Variants in REV3L observed in about 807,000 individuals in gnomAD.
The protein encoded by REV3L is REV3 like, DNA directed polymerase zeta catalytic subunit.
In REV3L, 69 loss-of-function variants were observed where a neutral mutation model predicts 299.4. That is an observed-to-expected ratio of 0.23 (90% CI 0.19 to 0.28). The LOEUF (loss-of-function observed/expected upper bound fraction) is 0.28, where lower values mean the gene tolerates loss of function less well. Among genes scored for constraint, REV3L ranks in the 10% least tolerant of loss-of-function variants. The pLI is 1.00. For missense variants in REV3L, 3,128 were observed against 3,693.8 expected (o/e 0.85, Z 3.97); for synonymous variants, 1,238 against 1,271.4 (o/e 0.97, Z 0.56).
Position 111,468,910 on chromosome 6 carries a change from A to G in REV3L, c.139+13840T>C, listed in dbSNP as rs894032591. On this transcript the variant is annotated intron_variant, in intron 1 of 31. Transcript: ENST00000368802. Reference sequence around the variant, plus strand: ...CGTAGTGGCTCATGCCTGTAATCTCAGCACTTTGGGAGGGCTGAGGCGGGT... The same window carrying G: ...CGTAGTGGCTCATGCCTGTAATCTCGGCACTTTGGGAGGGCTGAGGCGGGT... Among the ~76,000 whole-genome samples, 5 of 152,310 alleles carry G rather than the reference A, an allele frequency of 3.3e-5. No individual in the cohort carries two copies. In the South Asian group the frequency reaches 1.0e-3, roughly 32 times the overall value.
chr6:111,363,578 TTTC>T (rs200757402), intron 16 of REV3L, among the ~76,000 whole-genome samples: 2,023 of 152,244 alleles, frequency 0.013, 36 homozygotes, highest in African/African-American at 0.047. Flanking sequence ...CCAAAAATCT[TTTC>T]TTATTTTAAT....
At chr6:111,443,645 G>GTGTA (rs995047707) in intron 1 of REV3L, among the ~76,000 whole-genome samples, 7 of 152,136 alleles carry the variant, frequency 4.6e-5, no homozygotes, top group Admixed American at 1.3e-4. Flanking sequence ...TGAATGCCTG[G>GTGTA]TGTATTCAAG....
Position 111,389,117 on chromosome 6 carries a change from G to C in REV3L, c.851C>G (p.Pro284Arg). The C allele has an allele frequency of 6.2e-7, 1 of 1,613,018 alleles. No homozygotes were observed. The highest frequency in any genetic ancestry group is 8.5e-7 in the Non-Finnish European group (1 of 1,179,084). The change falls in exon 7 of 32, where the codon CCT (proline) becomes CGT (arginine). Residue 284 changes from proline (P) to arginine (R), a missense_variant. Around this residue, in one of 9 missense-constraint regions of REV3L, gnomAD observed 2,409 missense variants for 2,611.8 expected, o/e 0.92. Transcript: ENST00000368802. ...TATTAGGTTTATACCTTGTGACTCA[G>C]GTTGGCTCATTTGAGAAGTTTCATT... Reference protein sequence around the residue: ...NRNETSQMSQPESQDHRFVPA... With the variant: ...NRNETSQMSQRESQDHRFVPA...
chr6:111,329,620 T>C lies in REV3L; in HGVS notation c.8153A>G (p.Asp2718Gly), dbSNP rs1775187379. The part of the protein sequence containing the change: ...KQDRALSRML[D>G]ARQLGLKLIA... Reference sequence around the variant, plus strand: ...CAGCTTAAGTCCCAACTGACGCGCATCAAGCATTCGTGACAGGGCTCTGTC... The same window carrying C: ...CAGCTTAAGTCCCAACTGACGCGCACCAAGCATTCGTGACAGGGCTCTGTC... Residue 2718 changes from aspartate to glycine, a missense_variant, in exon 25 of 32, where the codon GAT becomes GGT. Transcript: ENST00000368802. The C allele has an allele frequency of 4.3e-6, 7 of 1,614,056 alleles. No individual in the cohort carries two copies. Among genetic ancestry groups the C allele is most frequent in the Non-Finnish European group, 5.9e-6 (7 of 1,180,044 alleles).
chr6:111,448,517 G>A lies in REV3L; in HGVS notation c.140-32045C>T, dbSNP rs538344906. On this transcript the variant is annotated intron_variant, in intron 1 of 31. Coordinates refer to ENST00000368802, the MANE Select transcript of REV3L (RefSeq NM_001372078.1). ...ACCCAGCTAATTTTTGTAGTTTTTG[G>A]AAAGATGGTGTTGCCCAGGCTGGTC... Among the ~76,000 whole-genome samples, 9 of 152,042 alleles carry A rather than the reference G, an allele frequency of 5.9e-5. No individual in the cohort carries two copies. In the South Asian group the frequency reaches 1.7e-3, roughly 28 times the overall value.
chr6:111,355,358 A>G (rs538978868), intron 18 of REV3L, among the ~76,000 whole-genome samples: 2 of 152,156 alleles, frequency 1.3e-5, no homozygotes, highest in Non-Finnish European at 2.9e-5. Flanking sequence ...GAGAGAGTTA[A>G]GCAACTTATT....
intron 1 of REV3L, among the ~76,000 whole-genome samples, chr6:111,439,555 A>G (rs901738574): frequency 3.9e-5 from 6 of 152,258 alleles, no homozygotes; most frequent in South Asian, 4.1e-4. Flanking sequence ...AAAAAGCTAC[A>G]TAAGTGGGTG....
In REV3L at chr6:111,395,220, AT is replaced by A. The variant is rs912066585; in HGVS notation, c.566-2249del. On this transcript the variant is annotated intron_variant, in intron 4 of 31. Coordinates refer to ENST00000368802, the MANE Select transcript of REV3L (RefSeq NM_001372078.1). ...TTTGTAGTTCCACATGAAGTTTAGA[AT>A]TTTTTTTTCTATTTCCATGAAGAAT... 1.5e-4 allele frequency among the ~76,000 whole-genome samples: 22 copies of A among 151,578 alleles called. No homozygotes were observed. In the East Asian group the frequency reaches 2.1e-3, roughly 15 times the overall value.
chr6:111,327,060 G>A (rs1379720218), intron 25 of REV3L, among the ~76,000 whole-genome samples: 1 of 152,148 alleles, frequency 6.6e-6, no homozygotes, highest in Non-Finnish European at 1.5e-5. Context: ...TGAGTTCACC[G>A]TGCAAAGCAG....
At chr6:111,460,524 C>A (rs2128325122) in intron 1 of REV3L, 1 of 151,964 alleles carries the variant, frequency 6.6e-6, no homozygotes, top group Admixed American at 6.6e-5. Context: ...AAAAGGCAAT[C>A]CAGAATTCTA....
rs1327413104 is a variant in REV3L at position 111,299,319 on chromosome 6, C to G, written c.*697G>C. ...ATTTTTTATTTTTAAAGTATTGCAA[C>G]AGGCCCACAGGTTTGTAACAAAAAT... is the stretch of plus-strand genomic sequence containing the variant. On this transcript the variant is annotated 3_prime_UTR_variant, in exon 32 of 32. Transcript: ENST00000368802. 3 of 152,496 alleles carry G rather than the reference C, an allele frequency of 2.0e-5. No homozygotes were observed. Among genetic ancestry groups the G allele is most frequent in the Admixed American group, 2.0e-4 (3 of 15,268 alleles). 9.4% of individuals were successfully genotyped at this position (152,496 alleles called of 1,614,324 possible).
rs946873755 is a variant in REV3L, at chr6:111,446,657, C to T, written c.140-30185G>A. On this transcript the variant is annotated intron_variant, in intron 1 of 31. Coordinates refer to ENST00000368802, the MANE Select transcript of REV3L (RefSeq NM_001372078.1). The stretch of plus-strand genomic sequence containing the variant: ...CAGAGGTTGCAGTGAGCCAAGACCA[C>T]GCCACTGCACTCCAGCATGAGCGAC... Among the ~76,000 whole-genome samples the T allele has an allele frequency of 7.2e-5, 11 of 152,142 alleles. No individual in the cohort carries two copies. In the East Asian group the frequency reaches 9.7e-4, roughly 13 times the overall value.
chr6:111,466,543 A>G (rs1791539138), intron 1 of REV3L, among the ~76,000 whole-genome samples: 1 of 152,232 alleles, frequency 6.6e-6, no homozygotes, highest in Admixed American at 6.5e-5. Context: ...AAACTCGGAA[A>G]TGTTAAAATT....
intron 18 of REV3L, among the ~76,000 whole-genome samples, chr6:111,353,057 T>C (rs544055770): frequency 3.3e-5 from 5 of 152,340 alleles, no homozygotes; most frequent in African/African-American, 1.2e-4. Context: ...ATCACAAAAA[T>C]TTAAATCGTT....
intron 1 of REV3L, chr6:111,431,114 C>A: frequency 6.6e-7 from 1 of 1,512,754 alleles, no homozygotes; most frequent in Non-Finnish European, 9.2e-7. Context: ...TTAATCTATT[C>A]AACCTATGGG....
intron 1 of REV3L, among the ~76,000 whole-genome samples, chr6:111,466,807 A>C (rs1264357552): frequency 6.6e-6 from 1 of 152,180 alleles, no homozygotes. Context: ...GCACCACAGC[A>C]CTCTAGCCTG....
chr6:111,424,507 T>C (rs928304461), intron 1 of REV3L, among the ~76,000 whole-genome samples: 3 of 152,210 alleles, frequency 2.0e-5, no homozygotes, highest in Non-Finnish European at 2.9e-5. Flanking sequence ...AGATGAATGC[T>C]AAAACAGCAA....
rs1786637813 is a variant in REV3L, at chr6:111,429,709, G to A, written c.140-13237C>T. 1.3e-5 allele frequency among the ~76,000 whole-genome samples: 2 copies of A among 152,204 alleles called. 1 individual carries two copies. The highest frequency in any genetic ancestry group is 2.9e-5 in the Non-Finnish European group (2 of 68,028). ...AAGAGGGTTTTTTAGCTTCTCGAGAGGGGCCTCGCGGGCCCCGCTCCCGCC... is the reference window on the plus strand; with the variant it reads ...AAGAGGGTTTTTTAGCTTCTCGAGAAGGGCCTCGCGGGCCCCGCTCCCGCC... On this transcript the variant is annotated intron_variant, in intron 1 of 31. Transcript: ENST00000368802.
Position 111,373,563 on chromosome 6 carries a change from G to A in REV3L, c.4792C>T (p.Leu1598Phe). The change falls in exon 13 of 32, where the codon CTT (leucine) becomes TTT (phenylalanine). Residue 1598 changes from leucine to phenylalanine, a missense_variant. This residue lies in a region of REV3L where 2,409 missense variants were observed against 2,611.8 expected (regional missense o/e 0.92). Transcript: ENST00000368802. Reference protein sequence around the residue: ...STKQKEKIPKLLKVDSLNLQN... With the variant: ...STKQKEKIPKFLKVDSLNLQN... The stretch of plus-strand genomic sequence containing the variant: ...AAATTTAAAGAGTCTACTTTGAGAA[G>A]TTTGGGGATTTTTTCTTTTTGTTTT... 6.2e-7 allele frequency: 1 copy of A among 1,614,040 alleles called. No homozygotes were observed. Among genetic ancestry groups the A allele is most frequent in the Non-Finnish European group, 8.5e-7 (1 of 1,179,986 alleles).
Sources: allele counts gnomAD v4.1 joint callset (sites outside exome capture counted in the v4.1 genomes callset), GRCh38; gene constraint gnomAD v4.1.1; regional missense constraint gnomAD v4.1.1; transcripts MANE v1.5; gene names NCBI Gene and HGNC (gene_info 2026-07-23, HGNC 2026-07-21).